The following EPOP variants were observed in gnomAD, a reference collection of about 807,000 sequenced individuals.
The protein encoded by EPOP is elongin BC and polycomb repressive complex 2 associated protein.
In EPOP, 14 loss-of-function variants were observed where a neutral mutation model predicts 18.2. The ratio of observed to expected loss-of-function variants is 0.77; its 90% CI spans 0.51 to 1.20. EPOP has a LOEUF of 1.20. Among genes scored for constraint, EPOP ranks in the 50% most tolerant of loss-of-function variants. The pLI, the probability that EPOP is intolerant of heterozygous loss-of-function variation, is 0.00. For synonymous variants in EPOP, 252 were observed against 274.9 expected (o/e 0.92, Z 0.83); for missense variants, 527 against 577.2 (o/e 0.91, Z 0.89).
In EPOP at chr17:38,673,679, C is replaced by T. The variant is rs1911017303; in HGVS notation, c.817G>A (p.Glu273Lys). Residue 273 changes from glutamate (E) to lysine (K), a missense_variant, in exon 1 of 1, where the codon GAG becomes AAG. Glu to Lys is a moderately conservative substitution (Grantham distance 56, BLOSUM62 1). Transcript: ENST00000621654. Reference protein sequence around the residue: ...LDTPSLRRGPERPPAKGPARG... With the variant: ...LDTPSLRRGPKRPPAKGPARG... ...GCCGGCCCTTTCGCAGGCGGCCGCTCTGGCCCCCGGCGCAAACTCGGAGTG... is the reference window on the plus strand; with the variant it reads ...GCCGGCCCTTTCGCAGGCGGCCGCTTTGGCCCCCGGCGCAAACTCGGAGTG... 6.5e-7 allele frequency: 1 copy of T among 1,532,220 alleles called. No individual in the cohort carries two copies. The highest frequency in any genetic ancestry group is 8.8e-7 in the Non-Finnish European group (1 of 1,139,960). 94.9% of individuals were successfully genotyped at this position (1,532,220 alleles called of 1,614,324 possible). A position where few individuals can be genotyped will look rare whatever the true frequency, so the allele number is the denominator to read the frequency against.
chr17:38,673,845 C>A lies in EPOP; in HGVS notation c.651G>T (p.Pro217=). 1 of 1,479,874 alleles carries A rather than the reference C, an allele frequency of 6.8e-7. No homozygotes were observed. The highest frequency in any genetic ancestry group is 2.5e-5 in the Admixed American group (1 of 39,584). 91.7% of individuals were successfully genotyped at this position (1,479,874 alleles called of 1,614,324 possible). Residue 217 remains proline (P), a synonymous_variant, in exon 1 of 1, where the codon CCG becomes CCT. Coordinates refer to ENST00000621654, the MANE Select transcript of EPOP (RefSeq NM_001130677.2). ...TGGCCGCTGGAGCCTCGGGGGCGGC[C>A]GGCGGGGGGTTTCCATCGACTTCGG... ...QPAEVDGNPP[P]AAPEAPAASP...
Position 38,673,619 on chromosome 17 carries a change from G to A in EPOP, c.877C>T (p.Pro293Ser). ...GAAKKRRLPA[P>S]PPRTAQPRRP... ...CGGGGCTGCGCGGTGCGCGGAGGGG[G>A]CGCCGGCAGCCGGCGTTTCTTGGCG... Residue 293 changes from proline (P) to serine (S), a missense_variant, in exon 1 of 1, where the codon CCC (proline) becomes TCC (serine). Coordinates refer to ENST00000621654, the MANE Select transcript of EPOP (RefSeq NM_001130677.2). The A allele has an allele frequency of 6.6e-7, 1 of 1,513,900 alleles. No homozygotes were observed. 93.8% of individuals were successfully genotyped at this position (1,513,900 alleles called of 1,614,324 possible). A position where few individuals can be genotyped will look rare whatever the true frequency, so the allele number is the denominator to read the frequency against.
rs1911058811 is a variant in EPOP, at chr17:38,674,395, T to C, written c.101A>G (p.Glu34Gly). 6.5e-7 allele frequency: 1 copy of C among 1,543,546 alleles called. No homozygotes were observed. The highest frequency in any genetic ancestry group is 8.7e-7 in the Non-Finnish European group (1 of 1,146,144). ...TPRKPCRGTQ[E>G]FSPLCLRALA... ...GGCACGCAGGCACAGCGGAGAGAATTCCTGGGTCCCCCGACACGGCTTCCG... is the reference window on the plus strand; with the variant it reads ...GGCACGCAGGCACAGCGGAGAGAATCCCTGGGTCCCCCGACACGGCTTCCG... The change falls in exon 1 of 1, where the codon GAA (glutamate) becomes GGA (glycine). Residue 34 changes from glutamate to glycine, a missense_variant. Glu to Gly is a moderately conservative substitution (Grantham distance 98). Transcript: ENST00000621654. The surrounding 1 kb of genome is among the most constrained non-coding windows in gnomAD (Gnocchi z 4.5).
In EPOP at chr17:38,673,233, G is replaced by A. The variant is rs1157900727; in HGVS notation, c.*123C>T. 2.2e-5 allele frequency: 31 copies of A among 1,398,166 alleles called. No individual in the cohort carries two copies. The Admixed American group carries it at 6.7e-4, about 30-fold the overall frequency. 86.6% of individuals were successfully genotyped at this position (1,398,166 alleles called of 1,614,324 possible). The stretch of plus-strand genomic sequence containing the variant: ...TTGAATGAAGATCACTGTTATTTAG[G>A]TCCCTCTGCCCACAGCTCCTAAAAT... On this transcript the variant is annotated 3_prime_UTR_variant, in exon 1 of 1. Transcript: ENST00000621654.
rs1433045831 is a variant in EPOP at position 38,674,191 on chromosome 17, G to T, written c.305C>A (p.Thr102Asn). ...APTGRPGVPN[T>N]AAGEDADVAA... is the part of the protein sequence containing the mutation. ...GACGTCCGCATCCTCGCCGGCGGCGGTGTTAGGAACGCCGGGCCGCCCGGT... is the reference window on the plus strand; with the variant it reads ...GACGTCCGCATCCTCGCCGGCGGCGTTGTTAGGAACGCCGGGCCGCCCGGT... Residue 102 changes from threonine to asparagine, a missense_variant, in exon 1 of 1, where the codon ACC (threonine) becomes AAC (asparagine). Coordinates refer to ENST00000621654, the MANE Select transcript of EPOP (RefSeq NM_001130677.2). This position sits in a 1 kb window ranked among gnomAD's most constrained non-coding sequence, Gnocchi z 4.5. 7.0e-7 allele frequency: 1 copy of T among 1,419,582 alleles called. No homozygotes were observed. The highest frequency in any genetic ancestry group is 1.5e-5 in the South Asian group (1 of 66,114). 87.9% of individuals were successfully genotyped at this position (1,419,582 alleles called of 1,614,324 possible).
In EPOP at chr17:38,674,641, G is replaced by C. The variant is rs916852372; in HGVS notation, c.-146C>G. The C allele has an allele frequency of 1.2e-5, 9 of 770,476 alleles. No individual in the cohort carries two copies. Among genetic ancestry groups the C allele is most frequent in the Non-Finnish European group, 1.7e-5 (9 of 527,984 alleles). 47.7% of individuals were successfully genotyped at this position (770,476 alleles called of 1,614,324 possible). ...CACGGGCGCCCCCGGCCCGCCACCC[G>C]GGGCCGCAGAGCTCGGGCTCCCTCT... On this transcript the variant is annotated 5_prime_UTR_variant, in exon 1 of 1. Coordinates refer to ENST00000621654, the MANE Select transcript of EPOP (RefSeq NM_001130677.2). This position sits in a 1 kb window ranked among gnomAD's most constrained non-coding sequence, Gnocchi z 4.5.
Position 38,671,850 on chromosome 17 carries a change from G to A in EPOP, c.*1506C>T, listed in dbSNP as rs575573198. 2.0e-5 allele frequency: 3 copies of A among 152,180 alleles called. No homozygotes were observed. The East Asian group carries it at 5.8e-4, about 29-fold the overall frequency. The allele number at this position is 152,180 out of a possible 1,614,324, so 9.4% of individuals were successfully genotyped here. On this transcript the variant is annotated 3_prime_UTR_variant, in exon 1 of 1. Transcript: ENST00000621654. ...GTGGGAATTGTTCCTCTCGCACCTC[G>A]TTTTCGGGGGAAGAGGGGGCGCTAT...
chr17:38,673,723 G>A lies in EPOP; in HGVS notation c.773C>T (p.Ala258Val). Residue 258 changes from alanine (A) to valine (V), a missense_variant, in exon 1 of 1, where the codon GCG becomes GTG. Transcript: ENST00000621654. ...LIRRSKLWCY[A>V]KGFALDTPSL... is the part of the protein sequence containing the mutation. ...CGGAGTGTCCAAGGCGAAGCCCTTC[G>A]CGTAACACCAAAGTTTCGACCGGCG... 5 of 1,532,100 alleles carry A rather than the reference G, an allele frequency of 3.3e-6. No individual in the cohort carries two copies. Among genetic ancestry groups the A allele is most frequent in the Non-Finnish European group, 4.4e-6 (5 of 1,139,810 alleles). 94.9% of individuals were successfully genotyped at this position (1,532,100 alleles called of 1,614,324 possible). A position where few individuals can be genotyped will look rare whatever the true frequency, so the allele number is the denominator to read the frequency against.
At position 38,673,969 on chromosome 17, in the gene EPOP, T is replaced by C. The variant is rs1228304792; in HGVS notation, c.527A>G (p.Gln176Arg). 7.1e-7 allele frequency: 1 copy of C among 1,399,142 alleles called. No homozygotes were observed. Among genetic ancestry groups the C allele is most frequent in the Non-Finnish European group, 9.2e-7 (1 of 1,087,204 alleles). 86.7% of individuals were successfully genotyped at this position (1,399,142 alleles called of 1,614,324 possible). The change falls in exon 1 of 1, where the codon CAG (glutamine) becomes CGG (arginine). Residue 176 changes from glutamine to arginine, a missense_variant. Coordinates refer to ENST00000621654, the MANE Select transcript of EPOP (RefSeq NM_001130677.2). ...PQRGPAASPP[Q>R]EPSSRPPSPP... ...CGACGGAGGCCGGGAACTGGGTTCCTGAGGCGGGCTGGCGGCTGGGCCACG... is the reference window on the plus strand; with the variant it reads ...CGACGGAGGCCGGGAACTGGGTTCCCGAGGCGGGCTGGCGGCTGGGCCACG...
Position 38,673,504 on chromosome 17 carries a change from C to G in EPOP, c.992G>C (p.Gly331Ala), listed in dbSNP as rs1911010634. The change falls in exon 1 of 1, where the codon GGA becomes GCA. Residue 331 changes from glycine to alanine, a missense_variant. Coordinates refer to ENST00000621654, the MANE Select transcript of EPOP (RefSeq NM_001130677.2). ...CPPALVVGED[G>A]DLKPASSLRL... is the part of the protein sequence containing the mutation. The stretch of plus-strand genomic sequence containing the variant: ...AAGCGAGGATGCCGGCTTTAGGTCT[C>G]CGTCTTCCCCCACCACCAGGGCCGG... The G allele has an allele frequency of 6.5e-7, 1 of 1,530,838 alleles. No individual in the cohort carries two copies. Among genetic ancestry groups the G allele is most frequent in the Non-Finnish European group, 8.8e-7 (1 of 1,138,742 alleles). The allele number at this position is 1,530,838 out of a possible 1,614,324, so 94.8% of individuals were successfully genotyped here. A position where few individuals can be genotyped will look rare whatever the true frequency, so the allele number is the denominator to read the frequency against.
Position 38,673,672 on chromosome 17 carries a change from G to T in EPOP, c.824C>A (p.Pro275Gln). 2.0e-6 allele frequency: 3 copies of T among 1,530,888 alleles called. No individual in the cohort carries two copies. Among genetic ancestry groups the T allele is most frequent in the Non-Finnish European group, 2.6e-6 (3 of 1,139,256 alleles). The allele number at this position is 1,530,888 out of a possible 1,614,324, so 94.8% of individuals were successfully genotyped here. Residue 275 changes from proline (P) to glutamine (Q), a missense_variant, in exon 1 of 1, where the codon CCG (proline) becomes CAG (glutamine). Pro to Gln is a moderately conservative substitution (Grantham distance 76). Coordinates refer to ENST00000621654, the MANE Select transcript of EPOP (RefSeq NM_001130677.2). The stretch of plus-strand genomic sequence containing the variant: ...TCCCCGAGCCGGCCCTTTCGCAGGC[G>T]GCCGCTCTGGCCCCCGGCGCAAACT... ...TPSLRRGPER[P>Q]PAKGPARGAA...
At position 38,674,361 on chromosome 17, in the gene EPOP, G is replaced by A. The variant is rs1414046606; in HGVS notation, c.135C>T (p.Phe45=). The change falls in exon 1 of 1, where the codon TTC becomes TTT. Residue 45 remains phenylalanine (F), a synonymous_variant. Transcript: ENST00000621654. The surrounding 1 kb of genome is among the most constrained non-coding windows in gnomAD (Gnocchi z 4.5). ...FSPLCLRALA[F]CALAKPRASS... ...ACGCCCGGGGCTTGGCAAGGGCGCAGAAGGCGAGGGCACGCAGGCACAGCG... is the reference window on the plus strand; with the variant it reads ...ACGCCCGGGGCTTGGCAAGGGCGCAAAAGGCGAGGGCACGCAGGCACAGCG... 6.5e-7 allele frequency: 1 copy of A among 1,542,718 alleles called. No homozygotes were observed. The highest frequency in any genetic ancestry group is 1.4e-5 in the African/African-American group (1 of 72,930).
Position 38,673,573 on chromosome 17 carries a change from G to A in EPOP, c.923C>T (p.Pro308Leu). The A allele has an allele frequency of 6.8e-7, 1 of 1,477,110 alleles. No individual in the cohort carries two copies. The highest frequency in any genetic ancestry group is 1.4e-5 in the South Asian group (1 of 72,936). 91.5% of individuals were successfully genotyped at this position (1,477,110 alleles called of 1,614,324 possible). Reference protein sequence around the residue: ...AQPRRPAPTLPTTSTFSLLNC... With the variant: ...AQPRRPAPTLLTTSTFSLLNC... ...GAGGAGGCTGAAGGTGCTCGTGGTG[G>A]GGAGCGTCGGTGCAGGGCGGCGGGG... Residue 308 changes from proline to leucine, a missense_variant, in exon 1 of 1, where the codon CCC (proline) becomes CTC (leucine). Coordinates refer to ENST00000621654, the MANE Select transcript of EPOP (RefSeq NM_001130677.2).
Position 38,673,516 on chromosome 17 carries a change from A to G in EPOP, c.980T>C (p.Val327Ala). ...NCFPCPPALV[V>A]GEDGDLKPAS... Reference sequence around the variant, plus strand: ...CGGCTTTAGGTCTCCGTCTTCCCCCACCACCAGGGCCGGGGGGCAGGGGAA... The same window carrying G: ...CGGCTTTAGGTCTCCGTCTTCCCCCGCCACCAGGGCCGGGGGGCAGGGGAA... Residue 327 changes from valine (V) to alanine (A), a missense_variant, in exon 1 of 1, where the codon GTG becomes GCG. By Grantham distance (64) the Val-to-Ala change is moderately conservative (BLOSUM62 0). Transcript: ENST00000621654. The G allele has an allele frequency of 6.6e-7, 1 of 1,524,558 alleles. No homozygotes were observed. 94.4% of individuals were successfully genotyped at this position (1,524,558 alleles called of 1,614,324 possible). A position where few individuals can be genotyped will look rare whatever the true frequency, so the allele number is the denominator to read the frequency against.
rs1911019226 is a variant in EPOP at position 38,673,712 on chromosome 17, C to T, written c.784G>A (p.Ala262Thr). ...CGGCGCAAACTCGGAGTGTCCAAGG[C>T]GAAGCCCTTCGCGTAACACCAAAGT... Reference protein sequence around the residue: ...SKLWCYAKGFALDTPSLRRGP... With the variant: ...SKLWCYAKGFTLDTPSLRRGP... The change falls in exon 1 of 1, where the codon GCC (alanine) becomes ACC (threonine). Residue 262 changes from alanine to threonine, a missense_variant. By Grantham distance (58) the Ala-to-Thr change is moderately conservative. Transcript: ENST00000621654. The T allele has an allele frequency of 6.5e-7, 1 of 1,532,686 alleles. No individual in the cohort carries two copies. The highest frequency in any genetic ancestry group is 8.8e-7 in the Non-Finnish European group (1 of 1,140,210). The allele number at this position is 1,532,686 out of a possible 1,614,324, so 94.9% of individuals were successfully genotyped here. A position where few individuals can be genotyped will look rare whatever the true frequency, so the allele number is the denominator to read the frequency against.
At position 38,672,320 on chromosome 17, in the gene EPOP, G is replaced by GT. The variant is rs1166176160; in HGVS notation, c.*1035dup. ...TCCTTTCATTTACCACCTCTGCAAA[G>GT]TGCAGCTTGTTTTGTTTCCACTCTT... is the stretch of plus-strand genomic sequence containing the variant. On this transcript the variant is annotated 3_prime_UTR_variant, in exon 1 of 1. Transcript: ENST00000621654. The GT allele has an allele frequency of 6.6e-6, 1 of 152,206 alleles. No individual in the cohort carries two copies. Among genetic ancestry groups the GT allele is most frequent in the African/African-American group, 2.4e-5 (1 of 41,424 alleles). 9.4% of individuals were successfully genotyped at this position (152,206 alleles called of 1,614,324 possible).
Position 38,672,483 on chromosome 17 carries a change from A to G in EPOP, c.*873T>C, listed in dbSNP as rs1354849883. 6.6e-6 allele frequency: 1 copy of G among 151,914 alleles called. No homozygotes were observed. Among genetic ancestry groups the G allele is most frequent in the Non-Finnish European group, 1.5e-5 (1 of 68,000 alleles). The allele number at this position is 151,914 out of a possible 1,614,324, so 9.4% of individuals were successfully genotyped here. ...ATTTTATTGATTTCTTCCACCTTCTATTACTTTCCCTGGGACAGTGTCTAG... is the reference window on the plus strand; with the variant it reads ...ATTTTATTGATTTCTTCCACCTTCTGTTACTTTCCCTGGGACAGTGTCTAG... On this transcript the variant is annotated 3_prime_UTR_variant, in exon 1 of 1. Coordinates refer to ENST00000621654, the MANE Select transcript of EPOP (RefSeq NM_001130677.2).
At position 38,673,789 on chromosome 17, in the gene EPOP, G is replaced by A. The variant is rs910102402; in HGVS notation, c.707C>T (p.Ala236Val). The change falls in exon 1 of 1, where the codon GCA (alanine) becomes GTA (valine). Residue 236 changes from alanine to valine, a missense_variant. Transcript: ENST00000621654. ...ATGTTCCTGGCGGAGATCTCCGGGT[G>A]CGGCCGGAGCCGGGCTGGCCGTCGA... is the stretch of plus-strand genomic sequence containing the variant. Reference protein sequence around the residue: ...SPSTASPAPAAPGDLRQEHFD... With the variant: ...SPSTASPAPAVPGDLRQEHFD... 2.7e-5 allele frequency: 41 copies of A among 1,518,628 alleles called. No homozygotes were observed. The Admixed American group carries it at 3.8e-4, about 14-fold the overall frequency. 94.1% of individuals were successfully genotyped at this position (1,518,628 alleles called of 1,614,324 possible). A position where few individuals can be genotyped will look rare whatever the true frequency, so the allele number is the denominator to read the frequency against.
Position 38,674,127 on chromosome 17 carries a change from T to C in EPOP, c.369A>G (p.Gly123=), listed in dbSNP as rs577079956. The change falls in exon 1 of 1, where the codon GGA becomes GGG. Residue 123 remains glycine, a synonymous_variant. Transcript: ENST00000621654. This position sits in a 1 kb window ranked among gnomAD's most constrained non-coding sequence, Gnocchi z 4.5. ...GAACGCCGAAGTGCGGGAAACCGCC[T>C]CCGCCCTCTTCCTCCTCTCCGCGGC... is the stretch of plus-strand genomic sequence containing the variant. ...CPRRGEEEEG[G]GGFPHFGVRS... is the part of the protein sequence containing the mutation. 6.9e-7 allele frequency: 1 copy of C among 1,452,546 alleles called. No individual in the cohort carries two copies. The highest frequency in any genetic ancestry group is 9.0e-7 in the Non-Finnish European group (1 of 1,112,156). The allele number at this position is 1,452,546 out of a possible 1,614,324, so 90.0% of individuals were successfully genotyped here. A position where few individuals can be genotyped will look rare whatever the true frequency, so the allele number is the denominator to read the frequency against.
Sources: gnomAD v4.1 joint callset for allele counts on GRCh38, gnomAD v4.1.1 for gene constraint, Gnocchi (gnomAD v3.1) non-coding constraint, MANE v1.5 for transcripts, NCBI Gene and HGNC (gene_info 2026-07-23, HGNC 2026-07-21) for gene names.